The following KATNAL2 variants were observed in gnomAD, a reference collection of about 807,000 sequenced individuals.
The protein encoded by KATNAL2 is katanin catalytic subunit A1 like 2.
Under a neutral mutation model 76.3 loss-of-function variants are expected in KATNAL2, and 52 were observed. The observed-to-expected ratio is 0.68, with a 90% CI of 0.55 to 0.86. The LOEUF is 0.86. Ranked by LOEUF, KATNAL2 falls within the 40% of genes least tolerant of loss-of-function variation. The pLI is 0.00. For synonymous variants in KATNAL2, 243 were observed against 244.2 expected, an observed-to-expected ratio of 1.00 and a Z score of 0.05; for missense variants, 660 against 668.9, an observed-to-expected ratio of 0.99 and a Z score of 0.15.
chr18:46,965,058 C>T (rs1316521076), intron 3 of KATNAL2, among the ~76,000 whole-genome samples: 1 of 122,756 alleles, frequency 8.1e-6, no homozygotes, highest in Non-Finnish European at 1.9e-5. Flanking sequence ...AACTCTTTAC[C>T]TGGGATTGAC....
At chr18:46,941,453 A>G (rs2059243926) in intron 1 of KATNAL2, among the ~76,000 whole-genome samples, 1 of 152,076 alleles carries the variant, frequency 6.6e-6, no homozygotes, top group Non-Finnish European at 1.5e-5. Flanking sequence ...AAATTGGATT[A>G]TATTTTTTCA....
rs1186883679 is a variant in KATNAL2, at chr18:47,074,287, G to A, written c.1009-990G>A. On this transcript the variant is annotated intron_variant, in intron 13 of 17. Transcript: ENST00000683218. ...TACCCACGAGCAGTGGGGAAGGTGA[G>A]GTATTTCCTGTTCAGTGACAGGGAG... Among the ~76,000 whole-genome samples the A allele has an allele frequency of 2.0e-5, 3 of 152,288 alleles. No homozygotes were observed. In the East Asian group the frequency reaches 5.8e-4, roughly 29 times the overall value.
At chr18:46,950,825 C>A (rs1032144583) in intron 3 of KATNAL2, among the ~76,000 whole-genome samples, 1 of 152,108 alleles carries the variant, frequency 6.6e-6, no homozygotes. Flanking sequence ...GCTGGGGCTA[C>A]AGGCGCCCAC....
intron 3 of KATNAL2, among the ~76,000 whole-genome samples, chr18:47,031,842 G>T (rs111974720): frequency 3.3e-5 from 5 of 152,212 alleles, no homozygotes; most frequent in Non-Finnish European, 7.4e-5. Flanking sequence ...ATGCTTTCTT[G>T]TCTTCCTGAA....
At chr18:47,063,120 T>C in intron 9 of KATNAL2, 50 bp downstream of exon 9, 2 of 1,510,972 alleles carry the variant, frequency 1.3e-6, no homozygotes, top group South Asian at 1.1e-5. Flanking sequence ...AACATCCAGA[T>C]GAACTCTGGA....
intron 3 of KATNAL2, among the ~76,000 whole-genome samples, chr18:47,031,218 TCTC>T (rs1280424063): frequency 3.7e-4 from 56 of 150,838 alleles, no homozygotes; most frequent in Admixed American, 3.3e-3. Flanking sequence ...TTGTTTAAAA[TCTC>T]CTCGGAAAGG....
chr18:47,077,969 T>C (rs2062318233), intron 15 of KATNAL2, among the ~76,000 whole-genome samples: 1 of 152,176 alleles, frequency 6.6e-6, no homozygotes, highest in Non-Finnish European at 1.5e-5. Flanking sequence ...TTAAGAACAA[T>C]TCTAGATGTG....
intron 15 of KATNAL2, among the ~76,000 whole-genome samples, chr18:47,079,162 TTA>T (rs974096939): frequency 4.6e-5 from 7 of 152,094 alleles, no homozygotes; most frequent in East Asian, 1.9e-4. Context: ...TATTCAACTA[TTA>T]TGTTATTTCT....
At chr18:47,051,993 G>T (rs1412897660) in intron 4 of KATNAL2, among the ~76,000 whole-genome samples, 1 of 152,200 alleles carries the variant, frequency 6.6e-6, no homozygotes, top group Non-Finnish European at 1.5e-5. Flanking sequence ...GAAACAGAAA[G>T]AACTCTAACC....
intron 1 of KATNAL2, among the ~76,000 whole-genome samples, chr18:46,934,186 T>C (rs1357281925): frequency 6.6e-6 from 1 of 152,066 alleles, no homozygotes; most frequent in Non-Finnish European, 1.5e-5. Flanking sequence ...CTGGGTCAAA[T>C]GGTATTTCTA....
chr18:47,075,458 A>G lies in KATNAL2; in HGVS notation c.1100+90A>G, dbSNP rs918852707. The G allele has an allele frequency of 8.7e-6, 8 of 924,376 alleles. No individual in the cohort carries two copies. In the African/African-American group the frequency reaches 8.7e-5, roughly 10 times the overall value. The allele number at this position is 924,376 out of a possible 1,614,324, so 57.3% of individuals were successfully genotyped here. A position where few individuals can be genotyped will look rare whatever the true frequency, so the allele number is the denominator to read the frequency against. ...GTTTGATGGTCGGAAGCCTATAGAC[A>G]TTTACTAGCAGAATGAGCCCATTAA... On this transcript the variant is annotated intron_variant, in intron 14 of 17. Transcript: ENST00000683218.
chr18:47,066,145 A>C (rs1288394584), intron 10 of KATNAL2, among the ~76,000 whole-genome samples: 1 of 151,638 alleles, frequency 6.6e-6, no homozygotes, highest in Admixed American at 6.6e-5. Flanking sequence ...TACTTATTAA[A>C]AATTATATAA....
At chr18:46,948,502 G>A (rs981882610) in intron 3 of KATNAL2, among the ~76,000 whole-genome samples, 32 of 147,838 alleles carry the variant, frequency 2.2e-4, no homozygotes, top group African/African-American at 7.3e-4. Context: ...TTGGCTCACC[G>A]CAACCTCTGC....
chr18:47,054,562 C>A, intron 6 of KATNAL2, 124 bp downstream of exon 6: 1 of 935,140 alleles, frequency 1.1e-6, no homozygotes, highest in Non-Finnish European at 1.7e-6. Context: ...AGTCATGTGA[C>A]CTGGCCCAGC....
chr18:47,084,537 G>T, intron 15 of KATNAL2: 1 of 616,210 alleles, frequency 1.6e-6, no homozygotes, highest in Non-Finnish European at 2.9e-6. Context: ...CCCCAGCAGG[G>T]TTGCTCAATG....
intron 1 of KATNAL2, among the ~76,000 whole-genome samples, chr18:46,928,471 G>A (rs953164316): frequency 7.2e-5 from 11 of 152,106 alleles, no homozygotes; most frequent in Admixed American, 4.6e-4. Context: ...GTACCTGGCC[G>A]TGTGAGGTGT....
intron 15 of KATNAL2, among the ~76,000 whole-genome samples, chr18:47,079,936 A>G (rs2062428579): frequency 6.6e-6 from 1 of 152,110 alleles, no homozygotes; most frequent in South Asian, 2.1e-4. Flanking sequence ...AAGATTGATC[A>G]CCGGGTTCAG....
chr18:46,920,417 A>C (rs1374133812), intron 1 of KATNAL2, among the ~76,000 whole-genome samples: 1 of 152,182 alleles, frequency 6.6e-6, no homozygotes, highest in African/African-American at 2.4e-5. Flanking sequence ...CAACCTGAGA[A>C]CCAACCCTTC....
chr18:47,056,014 T>C (rs562621505), intron 6 of KATNAL2, among the ~76,000 whole-genome samples: 3 of 152,364 alleles, frequency 2.0e-5, no homozygotes, highest in East Asian at 3.9e-4. Flanking sequence ...AAATGAGACA[T>C]GTCATGAGAC....
Sources: gnomAD v4.1 joint callset for allele counts (sites outside exome capture counted in the v4.1 genomes callset) on GRCh38, gnomAD v4.1.1 for gene constraint, MANE v1.5 for transcripts, NCBI Gene and HGNC (gene_info 2026-07-23, HGNC 2026-07-21) for gene names.